Variants in TENM2 observed in about 807,000 individuals in gnomAD.
TENM2 encodes the protein teneurin-2.
TENM2 carries 52 observed loss-of-function variants against 245.2 expected under a neutral mutation model. That is an observed-to-expected ratio of 0.21 (90% CI 0.17 to 0.27). The LOEUF is 0.27. Among genes scored for constraint, TENM2 ranks in the 10% least tolerant of loss-of-function variants. The probability of loss-of-function intolerance (pLI) is 1.00; values close to 1 mark genes in which losing one functional copy is unlikely to be tolerated. For missense variants in TENM2, 3,046 were observed against 3,666.8 expected (o/e 0.83, Z 4.37); for synonymous variants, 1,363 against 1,438.9 (o/e 0.95, Z 1.19).
intron 2 of TENM2, among the ~76,000 whole-genome samples, chr5:167,470,176 T>C (rs1243555951): frequency 6.6e-6 from 1 of 152,100 alleles, no homozygotes; most frequent in Non-Finnish European, 1.5e-5. Context: ...ATTTCTACCA[T>C]AATGAAGCTT....
intron 2 of TENM2, among the ~76,000 whole-genome samples, chr5:167,558,037 T>C (rs1773361849): frequency 6.6e-6 from 1 of 152,222 alleles, no homozygotes; most frequent in Non-Finnish European, 1.5e-5. Context: ...GATAATTGCA[T>C]AGAAGATCTT....
chr5:167,122,905 T>G, the TENM2 span, among the ~76,000 whole-genome samples: 320 of 152,246 alleles, frequency 2.1e-3, 1 homozygote, highest in African/African-American at 6.8e-3. Flanking sequence ...ATTCACAAAT[T>G]GATATTGATG....
chr5:167,397,392 A>G (rs982443452), intron 2 of TENM2, among the ~76,000 whole-genome samples: 2 of 152,152 alleles, frequency 1.3e-5, no homozygotes, highest in African/African-American at 4.8e-5. Context: ...AAATAATCAC[A>G]AAAACATTCT....
intron 2 of TENM2, among the ~76,000 whole-genome samples, chr5:167,557,198 G>C (rs1054767383): frequency 1.3e-5 from 2 of 152,236 alleles, no homozygotes; most frequent in Non-Finnish European, 2.9e-5. Context: ...GCTTCTTTGT[G>C]AGTTTTTAAA....
intron 2 of TENM2, among the ~76,000 whole-genome samples, chr5:167,469,843 C>T (rs572757142): frequency 5.9e-5 from 9 of 151,936 alleles, no homozygotes; most frequent in East Asian, 5.8e-4. Flanking sequence ...TTGCATCTTA[C>T]GTTTATTGTT....
the TENM2 span, among the ~76,000 whole-genome samples, chr5:167,150,256 G>A: frequency 6.6e-6 from 1 of 152,168 alleles, no homozygotes; most frequent in Admixed American, 6.5e-5. Context: ...AAACTTTGAT[G>A]TATTTTAAAG....
intron 2 of TENM2, among the ~76,000 whole-genome samples, chr5:167,598,528 G>A (rs78507448): frequency 0.015 from 2,346 of 152,348 alleles, 40 homozygotes; most frequent in Non-Finnish European, 0.019. Flanking sequence ...TGGATAGCAA[G>A]TGATGTCTAG....
intron 2 of TENM2, among the ~76,000 whole-genome samples, chr5:167,398,454 A>T (rs1762195936): frequency 8.0e-6 from 1 of 125,204 alleles, no homozygotes; most frequent in Non-Finnish European, 1.6e-5. Context: ...TTTTTGAGAC[A>T]GGGTCTTGCT....
the TENM2 span, among the ~76,000 whole-genome samples, chr5:167,003,854 A>G: frequency 6.6e-6 from 1 of 152,178 alleles, no homozygotes; most frequent in African/African-American, 2.4e-5. Flanking sequence ...CAGACGGTTC[A>G]TTATTCACAT....
the TENM2 span, among the ~76,000 whole-genome samples, chr5:167,144,534 G>A: frequency 6.6e-6 from 1 of 151,940 alleles, no homozygotes; most frequent in East Asian, 1.9e-4. Flanking sequence ...AATTCATTGT[G>A]TAGTGTGATG....
chr5:167,145,788 C>T, the TENM2 span, among the ~76,000 whole-genome samples: 2 of 152,066 alleles, frequency 1.3e-5, no homozygotes, highest in Non-Finnish European at 2.9e-5. Context: ...TTGTTGAGAA[C>T]GATAGCAGTT....
At chr5:166,987,866 A>G in the TENM2 span, among the ~76,000 whole-genome samples, 1 of 152,200 alleles carries the variant, frequency 6.6e-6, no homozygotes, top group African/African-American at 2.4e-5. Flanking sequence ...ATTTTCAAGC[A>G]TTCCCCAAAT....
At chr5:167,801,254 T>C (rs1174462817) in intron 2 of TENM2, among the ~76,000 whole-genome samples, 3 of 151,286 alleles carry the variant, frequency 2.0e-5, no homozygotes, top group African/African-American at 7.3e-5. Flanking sequence ...GCTGAAGGTA[T>C]AATTTATTTT....
intron 2 of TENM2, among the ~76,000 whole-genome samples, chr5:167,469,754 CATGAG>C (rs1254175160): frequency 1.5e-4 from 23 of 151,544 alleles, no homozygotes; most frequent in African/African-American, 1.9e-4. Context: ...AAAAATAAGA[CATGAG>C]ATGAGGATTT....
At chr5:167,907,283 A>C (rs2151551927) in intron 3 of TENM2, among the ~76,000 whole-genome samples, 1 of 151,262 alleles carries the variant, frequency 6.6e-6, no homozygotes, top group Non-Finnish European at 1.5e-5. Context: ...AAAGAAGCAT[A>C]GCAACTTAAA....
chr5:168,215,924 A>C (rs1763154184), intron 21 of TENM2, among the ~76,000 whole-genome samples: 1 of 152,262 alleles, frequency 6.6e-6, no homozygotes, highest in South Asian at 2.1e-4. Context: ...TCGAAAGTGC[A>C]GTGCCTCACA....
At chr5:167,581,106 C>A (rs1775064314) in intron 2 of TENM2, among the ~76,000 whole-genome samples, 1 of 152,164 alleles carries the variant, frequency 6.6e-6, no homozygotes, top group Non-Finnish European at 1.5e-5. Flanking sequence ...CACTTTGTAC[C>A]AATGTCTCTC....
intron 2 of TENM2, among the ~76,000 whole-genome samples, chr5:167,427,008 CA>C (rs1427164058): frequency 2.6e-5 from 4 of 151,894 alleles, no homozygotes; most frequent in African/African-American, 9.7e-5. Flanking sequence ...AGCAACATGG[CA>C]GGGGTGAAAG....
At chr5:167,582,953 A>G (rs1451025250) in intron 2 of TENM2, among the ~76,000 whole-genome samples, 1 of 152,208 alleles carries the variant, frequency 6.6e-6, no homozygotes, top group East Asian at 1.9e-4. Context: ...TGGAAAATGT[A>G]TTAGAAAATT....
Sources: gnomAD v4.1 joint callset for allele counts (sites outside exome capture counted in the v4.1 genomes callset) on GRCh38, gnomAD v4.1.1 for gene constraint, MANE v1.5 for transcripts, NCBI Gene and HGNC (gene_info 2026-07-23, HGNC 2026-07-21) for gene names.